Variants in PFKP observed in about 807,000 individuals in gnomAD.
PFKP encodes the protein phosphofructokinase, platelet.
A neutral mutation model predicts 94.3 loss-of-function variants in PFKP; 101 were observed. That is an observed-to-expected ratio of 1.07 (90% confidence interval 0.91 to 1.26). PFKP has a LOEUF of 1.26. PFKP is among the 50% of genes most tolerant of loss of function. The pLI, the probability that PFKP is intolerant of heterozygous loss-of-function variation, is 0.00. For missense variants in PFKP, 1,145 were observed against 1,103.3 expected (o/e 1.04, Z -0.53); for synonymous variants, 573 against 432.6 (o/e 1.32, Z -4.03).
chr10:3,068,761 G>A (rs1831938743), intron 1 of PFKP: 1 of 913,800 alleles, frequency 1.1e-6, no homozygotes, highest in Non-Finnish European at 1.3e-6. Context: ...GCGCTTCCCA[G>A]GCGAACGCAA....
intron 20 of PFKP, 40 bp downstream of exon 20, chr10:3,134,622 A>T: frequency 7.7e-7 from 1 of 1,301,462 alleles, no homozygotes; most frequent in African/African-American, 1.5e-5. Context: ...CTCGTGATGC[A>T]GGCCGTCCTG....
At chr10:3,130,011 C>A (rs761044450) in intron 17 of PFKP, 28 bp downstream of exon 17, 2 of 1,543,112 alleles carry the variant, frequency 1.3e-6, no homozygotes, top group South Asian at 2.5e-5. Flanking sequence ...CCTCAGGGCC[C>A]GTCCCCTTGG....
In PFKP at chr10:3,115,455, AGG is replaced by A. The variant is rs1352482946; in HGVS notation, c.1372-1320_1372-1319del. On this transcript the variant is annotated intron_variant, in intron 13 of 21. Transcript: ENST00000381125. ...GACAGGACTGGGGATGCCGGGGTGA[AGG>A]TGTGTGTCCCGCCATGGAGGACAGG... 5.1e-3 allele frequency among the ~76,000 whole-genome samples: 74 copies of A among 14,490 alleles called. 15 individuals are homozygous for A. Among genetic ancestry groups the A allele is most frequent in the East Asian group, 0.032 (3 of 94 alleles). 9.5% of individuals were successfully genotyped at this position (14,490 alleles called of 152,430 possible).
Position 3,136,588 on chromosome 10 carries a change from C to T in PFKP, c.*9C>T, listed in dbSNP as rs11251743. 1.5e-4 allele frequency: 242 copies of T among 1,612,746 alleles called. No homozygotes were observed. The Middle Eastern group carries it at 1.8e-3, about 12-fold the overall frequency. ...AGCCCTGGAGTGTCTGACCCAGTCC[C>T]GCCTGCATGTGCCTGCAGCCACCGT... On this transcript the variant is annotated 3_prime_UTR_variant, in exon 22 of 22. Coordinates refer to ENST00000381125, the MANE Select transcript of PFKP (RefSeq NM_002627.5).
At chr10:3,113,306 A>G in intron 12 of PFKP, 66 bp from the exon 13 acceptor site, 1 of 1,579,958 alleles carries the variant, frequency 6.3e-7, no homozygotes, top group Admixed American at 1.7e-5. Context: ...GCCACTGCCA[A>G]AGTGTGCAGC....
At chr10:3,109,029 C>T (rs1023874520) in intron 9 of PFKP, among the ~76,000 whole-genome samples, 7 of 151,680 alleles carry the variant, frequency 4.6e-5, no homozygotes, top group African/African-American at 7.3e-5. Context: ...GGTGTTGGCA[C>T]GACGTGGACC....
intron 2 of PFKP, among the ~76,000 whole-genome samples, chr10:3,086,634 G>A (rs1047390011): frequency 6.6e-6 from 1 of 152,152 alleles, no homozygotes; most frequent in African/African-American, 2.4e-5. Context: ...AAACAAGGCC[G>A]AGGGACCCTG....
At position 3,134,474 on chromosome 10, in the gene PFKP, C is replaced by A. The variant is rs556471243; in HGVS notation, c.2023-9C>A. Reference sequence around the variant, plus strand: ...AACTGGTATTTCATATAACTCTAACCACCAACAGGGTGGGGCACCCTCTCC... The same window carrying A: ...AACTGGTATTTCATATAACTCTAACAACCAACAGGGTGGGGCACCCTCTCC... On this transcript the variant is annotated splice_polypyrimidine_tract_variant and intron_variant, in intron 19 of 21. Coordinates refer to ENST00000381125, the MANE Select transcript of PFKP (RefSeq NM_002627.5). The A allele has an allele frequency of 1.9e-6, 3 of 1,552,080 alleles. No homozygotes were observed. Among genetic ancestry groups the A allele is most frequent in the South Asian group, 2.2e-5 (2 of 89,720 alleles).
intron 9 of PFKP, 126 bp from the exon 10 acceptor site, chr10:3,109,227 GTT>G: frequency 1.6e-6 from 2 of 1,242,102 alleles, no homozygotes. Context: ...GCTCTAAAGA[GTT>G]GGGCTGGAAG....
intron 15 of PFKP, among the ~76,000 whole-genome samples, chr10:3,119,498 G>A (rs906214309): frequency 8.5e-5 from 13 of 152,098 alleles, no homozygotes; most frequent in African/African-American, 2.7e-4. Context: ...CCAGCTACCC[G>A]GGAGGCTGAG....
intron 2 of PFKP, among the ~76,000 whole-genome samples, chr10:3,083,649 TTTA>T (rs1833258794): frequency 6.6e-6 from 1 of 150,690 alleles, no homozygotes; most frequent in Admixed American, 6.6e-5. Context: ...CTTATTTTAT[TTTA>T]TTTTTTTTGA....
chr10:3,067,995 G>A (rs562613795), intron 1 of PFKP, among the ~76,000 whole-genome samples: 1 of 152,200 alleles, frequency 6.6e-6, no homozygotes, highest in Non-Finnish European at 1.5e-5. Flanking sequence ...GGGACATGGC[G>A]GTAGGAACCT....
rs763418589 is a variant in PFKP at position 3,129,843 on chromosome 10, G to A, written c.1708G>A (p.Ala570Thr). Residue 570 changes from alanine to threonine, a missense_variant, in exon 17 of 22, where the codon GCC becomes ACC. Ala to Thr is a moderately conservative substitution (Grantham distance 58). Around this residue, in one of 3 missense-constraint regions of PFKP, gnomAD observed 1,119 missense variants for 1,062.8 expected, o/e 1.05. Coordinates refer to ENST00000381125, the MANE Select transcript of PFKP (RefSeq NM_002627.5). ...GACCTGCGACCGCATCAAGCAGTCC[G>A]CCAGCGGAACCAAGCGGCGCGTGTT... ...TDTCDRIKQS[A>T]SGTKRRVFII... 9 of 1,613,446 alleles carry A rather than the reference G, an allele frequency of 5.6e-6. No homozygotes were observed. The highest frequency in any genetic ancestry group is 7.6e-6 in the Non-Finnish European group (9 of 1,179,972).
chr10:3,119,110 T>A lies in PFKP; in HGVS notation c.1530+241T>A, dbSNP rs564634073. Among the ~76,000 whole-genome samples the A allele has an allele frequency of 5.7e-3, 807 of 140,600 alleles. 3 individuals are homozygous for A. The highest frequency in any genetic ancestry group is 0.021 in the African/African-American group (759 of 36,700). The allele number at this position is 140,600 out of a possible 152,430, so 92.2% of individuals were successfully genotyped here. ...AAAGCTTGACTCCTTAACCCGGGCCTCATCTATTCAGTGAGCTCTTAATGT... is the reference window on the plus strand; with the variant it reads ...AAAGCTTGACTCCTTAACCCGGGCCACATCTATTCAGTGAGCTCTTAATGT... On this transcript the variant is annotated intron_variant, in intron 15 of 21. Coordinates refer to ENST00000381125, the MANE Select transcript of PFKP (RefSeq NM_002627.5).
Position 3,108,766 on chromosome 10 carries a change from G to A in PFKP, c.936G>A (p.Gly312=). 1 of 1,613,636 alleles carries A rather than the reference G, an allele frequency of 6.2e-7. No individual in the cohort carries two copies. Among genetic ancestry groups the A allele is most frequent in the Non-Finnish European group, 8.5e-7 (1 of 1,179,592 alleles). ...TCCTCGGGCACGTGCAGAGAGGAGG[G>A]ACCCCTTCGGCATTCGACAGGATCT... The part of the protein sequence containing the change: ...VTILGHVQRG[G]TPSAFDRILA... The change falls in exon 9 of 22, where the codon GGG becomes GGA. Residue 312 remains glycine, a synonymous_variant. Transcript: ENST00000381125.
At chr10:3,099,461 G>A (rs946249039) in intron 3 of PFKP, 109 bp downstream of exon 3, 5 of 832,368 alleles carry the variant, frequency 6.0e-6, no homozygotes, top group East Asian at 4.9e-5. Flanking sequence ...GAGATTATGT[G>A]GACAGAACAG....
At chr10:3,111,089 T>G (rs1034680768) in intron 10 of PFKP, among the ~76,000 whole-genome samples, 1 of 152,156 alleles carries the variant, frequency 6.6e-6, no homozygotes, top group African/African-American at 2.4e-5. Flanking sequence ...TCTGCATGTG[T>G]GTGCATGTAT....
At chr10:3,102,353 C>A (rs139894791) in intron 4 of PFKP, among the ~76,000 whole-genome samples, 1 of 151,068 alleles carries the variant, frequency 6.6e-6, no homozygotes, top group Non-Finnish European at 1.5e-5. Context: ...TTTGGCACTA[C>A]TTAGGAAAGC....
At chr10:3,103,720 G>A in intron 4 of PFKP, 59 bp from the exon 5 acceptor site, 6 of 1,590,060 alleles carry the variant, frequency 3.8e-6, no homozygotes, top group Middle Eastern at 1.7e-4. Context: ...CCCTAGTGGG[G>A]CACCCCCCGA....
Sources: allele counts gnomAD v4.1 joint callset (sites outside exome capture counted in the v4.1 genomes callset), GRCh38; gene constraint gnomAD v4.1.1; regional missense constraint gnomAD v4.1.1; transcripts MANE v1.5; gene names NCBI Gene and HGNC (gene_info 2026-07-23, HGNC 2026-07-21).